The following KIAA1210 variants were observed in gnomAD, a reference collection of about 807,000 sequenced individuals.
The protein encoded by KIAA1210 is KIAA1210, also known as acrosomal protein KIAA1210.
KIAA1210 carries 48 observed loss-of-function variants against 78.9 expected under a neutral mutation model. The ratio of observed to expected loss-of-function variants is 0.61; its 90% CI spans 0.48 to 0.77. KIAA1210 has a LOEUF of 0.77. Among genes scored for constraint, KIAA1210 ranks in the 30% least tolerant of loss-of-function variants. The probability of loss-of-function intolerance (pLI) is 0.00; values close to 1 mark genes in which losing one functional copy is unlikely to be tolerated. For synonymous variants in KIAA1210, 406 were observed against 404.5 expected (o/e 1.00, Z -0.04); for missense variants, 1,108 against 1,100.0 (o/e 1.01, Z -0.10).
Position 119,083,423 on chromosome X carries a change from T to C in KIAA1210, c.4321-303A>G, listed in dbSNP as rs191665052. ...AGGTTAACAAGATAATTATTTAACT[T>C]GAGAACAACCTTTTCCTTAGCACTT... On this transcript the variant is annotated intron_variant, in intron 10 of 11. Transcript: ENST00000691062. 1.6e-3 allele frequency among the ~76,000 whole-genome samples: 181 copies of C among 112,277 alleles called. 1 individual carries two copies. The highest frequency in any genetic ancestry group is 5.5e-3 in the African/African-American group (169 of 30,922).
rs143981171 is a variant in KIAA1210 at position 119,105,271 on chromosome X, A to C, written c.493-124T>G. On this transcript the variant is annotated intron_variant, in intron 5 of 11. Transcript: ENST00000691062. ...AGTTGGTTGAAGGACTAAGAATCCA[A>C]AGTGAAAAAAATAAGCCCAGGGAAG... 4.6e-4 allele frequency: 325 copies of C among 704,067 alleles called. 3 individuals are homozygous for C. The East Asian group carries it at 0.01, about 22-fold the overall frequency. 58.0% of individuals were successfully genotyped at this position (704,067 alleles called of 1,213,427 possible).
chrX:119,115,137 C>T (rs917727436), intron 3 of KIAA1210, among the ~76,000 whole-genome samples: 1 of 111,414 alleles, frequency 9.0e-6, no homozygotes, highest in Non-Finnish European at 1.9e-5. Flanking sequence ...AGGGTTTCTT[C>T]CCCTAGCACA....
chrX:119,126,717 A>C (rs781251833), intron 1 of KIAA1210, among the ~76,000 whole-genome samples: 7 of 112,208 alleles, frequency 6.2e-5, no homozygotes, highest in Admixed American at 9.4e-5. Flanking sequence ...TACCCTTGGC[A>C]TTCCTGTCTC....
intron 2 of KIAA1210, among the ~76,000 whole-genome samples, chrX:119,142,609 C>A (rs1929072908): frequency 9.2e-6 from 1 of 109,159 alleles, no homozygotes; most frequent in African/African-American, 3.3e-5. Context: ...GAAACCCCAT[C>A]TCTACTAAAA....
At chrX:119,150,390 C>A (rs777143356) in exon 1 of KIAA1210, 1 of 1,211,137 alleles carries the variant, frequency 8.3e-7, no homozygotes, top group Admixed American at 2.2e-5. Flanking sequence ...CCAAGCTCCC[C>A]CTTGGTGCTT....
At chrX:119,134,979 A>G (rs1202569910) in intron 2 of KIAA1210, among the ~76,000 whole-genome samples, 1 of 112,641 alleles carries the variant, frequency 8.9e-6, no homozygotes, top group African/African-American at 3.2e-5. Flanking sequence ...AAATTATTTT[A>G]TGTGCATTAT....
intron 2 of KIAA1210, among the ~76,000 whole-genome samples, chrX:119,143,792 C>T (rs1354532302): frequency 8.9e-6 from 1 of 112,015 alleles, no homozygotes; most frequent in Non-Finnish European, 1.9e-5. Flanking sequence ...GTGTGCCTGC[C>T]AGTTACCTAA....
In KIAA1210 at chrX:119,080,173, T is replaced by C. The variant is rs888890337; in HGVS notation, c.*1156A>G. The C allele has an allele frequency of 8.9e-6, 1 of 111,799 alleles. No homozygotes were observed. Among genetic ancestry groups the C allele is most frequent in the African/African-American group, 3.3e-5 (1 of 30,702 alleles). 9.2% of individuals were successfully genotyped at this position (111,799 alleles called of 1,213,427 possible). A position where few individuals can be genotyped will look rare whatever the true frequency, so the allele number is the denominator to read the frequency against. ...GCGATCAGAGAGGGTCACAGTAGTA[T>C]TGGGACAAGAAGCAAAACATTGATG... On this transcript the variant is annotated 3_prime_UTR_variant, in exon 12 of 12. Transcript: ENST00000691062.
chrX:119,088,576 G>A lies in KIAA1210; in HGVS notation c.2126C>T (p.Pro709Leu). 1 of 1,211,020 alleles carries A rather than the reference G, an allele frequency of 8.3e-7. No homozygotes were observed. Among genetic ancestry groups the A allele is most frequent in the Non-Finnish European group, 1.1e-6 (1 of 895,192 alleles). Reference protein sequence around the residue: ...LRHPAQALGKPKNQQEVSSAS... With the variant: ...LRHPAQALGKLKNQQEVSSAS... ...AGAGGAGACTTCTTGTTGGTTTTTG[G>A]GCTTTCCCAAGGCCTGAGCAGGGTG... Residue 709 changes from proline (P) to leucine (L), a missense_variant, in exon 9 of 12, where the codon CCC (proline) becomes CTC (leucine). Transcript: ENST00000691062.
upstream of KIAA1210, among the ~76,000 whole-genome samples, chrX:119,128,618 T>C (rs780964547): frequency 1.8e-5 from 2 of 112,052 alleles, no homozygotes; most frequent in Non-Finnish European, 3.8e-5. Flanking sequence ...ATGATCATCC[T>C]AGTTAAAATG....
Position 119,088,478 on chromosome X carries a change from T to C in KIAA1210, c.2224A>G (p.Ile742Val), listed in dbSNP as rs915516591. The C allele has an allele frequency of 1.3e-5, 16 of 1,208,976 alleles. No individual in the cohort carries two copies. The highest frequency in any genetic ancestry group is 1.7e-5 in the Non-Finnish European group (15 of 894,891). ...TGTTGCTGAACAGTAGGATTCATAA[T>C]GGGCTGAGAAGGGCATCTGGAAGGC... ...QLPSRCPSQPIMNPTVQQQVP... is the reference protein window; with the variant it reads ...QLPSRCPSQPVMNPTVQQQVP... The change falls in exon 9 of 12, where the codon ATT becomes GTT. Residue 742 changes from isoleucine to valine, a missense_variant. By Grantham distance (29) the Ile-to-Val change is conservative. Coordinates refer to ENST00000691062, the MANE Select transcript of KIAA1210 (RefSeq NM_001394962.1).
In KIAA1210 at chrX:119,138,526, C is replaced by T. The variant is rs1357500266; in HGVS notation, c.410+8947G>A. On this transcript the variant is annotated intron_variant, in intron 2 of 13. Transcript: ENST00000402510. The stretch of plus-strand genomic sequence containing the variant: ...GAGCCACTGCGCCAGGCCGAGAAGG[C>T]GGAACTTAAGATACGCCAGGTGCTA... Among the ~76,000 whole-genome samples the T allele has an allele frequency of 6.3e-5, 7 of 111,398 alleles. No individual in the cohort carries two copies. The East Asian group carries it at 8.4e-4, about 13-fold the overall frequency.
At position 119,087,781 on chromosome X, in the gene KIAA1210, C is replaced by T. The variant is rs1393751269; in HGVS notation, c.2921G>A (p.Gly974Glu). 1 of 1,211,644 alleles carries T rather than the reference C, an allele frequency of 8.3e-7. No individual in the cohort carries two copies. The highest frequency in any genetic ancestry group is 1.1e-6 in the Non-Finnish European group (1 of 895,396). The change falls in exon 9 of 12, where the codon GGG (glycine) becomes GAG (glutamate). Residue 974 changes from glycine to glutamate, a missense_variant. This residue lies in a region of KIAA1210 where 179 missense variants were observed against 174.1 expected (regional missense o/e 1.03). Transcript: ENST00000691062. The part of the protein sequence containing the change: ...ERAAIEADIS[G>E]SPLPPQYATQ... ...AGCATATTGGGGAGGCAATGGACTC[C>T]CAGAAATGTCTGCCTCAATAGCAGC... is the stretch of plus-strand genomic sequence containing the variant.
intron 3 of KIAA1210, among the ~76,000 whole-genome samples, chrX:119,111,376 C>A (rs1295851519): frequency 1.8e-5 from 2 of 111,691 alleles, no homozygotes; most frequent in African/African-American, 6.5e-5. Flanking sequence ...CAGTGATAGA[C>A]TGGATAAAGA....
intron 5 of KIAA1210, among the ~76,000 whole-genome samples, chrX:119,107,524 T>C (rs1380571832): frequency 8.9e-6 from 1 of 111,853 alleles, no homozygotes; most frequent in Non-Finnish European, 1.9e-5. Context: ...TGACTTTTCC[T>C]GCTGTAGTAC....
chrX:119,095,132 T>C (rs7876554), intron 7 of KIAA1210, among the ~76,000 whole-genome samples: 27,816 of 111,639 alleles, frequency 0.25, 4,324 homozygotes, highest in African/African-American at 0.55. Flanking sequence ...GAAAAAAGTG[T>C]TGAGCTGGAA....
At chrX:119,134,803 GT>G (rs1928874769) in intron 2 of KIAA1210, among the ~76,000 whole-genome samples, 1 of 112,245 alleles carries the variant, frequency 8.9e-6, no homozygotes, top group Non-Finnish European at 1.9e-5. Flanking sequence ...GATCTCTCTA[GT>G]GGCCTAGAAG....
At chrX:119,150,340 G>C (rs780068264) in exon 1 of KIAA1210, 1 of 1,206,125 alleles carries the variant, frequency 8.3e-7, no homozygotes, top group Non-Finnish European at 1.1e-6. Flanking sequence ...GGAAGCCCCG[G>C]GAATAACTAG....
intron 8 of KIAA1210, among the ~76,000 whole-genome samples, chrX:119,092,671 G>C (rs1927412527): frequency 9.1e-6 from 1 of 109,607 alleles, no homozygotes; most frequent in Non-Finnish European, 1.9e-5. Context: ...TGAGGCAGGA[G>C]AATTGCTTGA....
Sources: allele counts gnomAD v4.1 joint callset (sites outside exome capture counted in the v4.1 genomes callset), GRCh38; gene constraint gnomAD v4.1.1; regional missense constraint gnomAD v4.1.1; transcripts MANE v1.5; gene names NCBI Gene and HGNC (gene_info 2026-07-23, HGNC 2026-07-21).